CAPN8: variants seen among roughly 807,000 people sequenced by gnomAD.
CAPN8 encodes calpain 8.
Under a neutral mutation model 80.9 loss-of-function variants are expected in CAPN8, and 87 were observed. The observed-to-expected ratio is 1.07, with a 90% CI of 0.90 to 1.28. The LOEUF (loss-of-function observed/expected upper bound fraction) is 1.28. CAPN8 is among the 50% of genes most tolerant of loss of function. CAPN8 has a pLI of 0.00. For missense variants in CAPN8, 757 were observed against 702.0 expected, an observed-to-expected ratio of 1.08 and a Z score of -0.89; for synonymous variants, 299 against 273.8, an observed-to-expected ratio of 1.09 and a Z score of -0.91.
At chr1:223,619,826 A>G (rs1657329404) in intron 8 of CAPN8, among the ~76,000 whole-genome samples, 1 of 152,230 alleles carries the variant, frequency 6.6e-6, no homozygotes, top group South Asian at 2.1e-4. Context: ...AAGCCGTACC[A>G]TATTCAAGGA....
At chr1:223,658,606 C>A (rs1188679591) in intron 1 of CAPN8, among the ~76,000 whole-genome samples, 5 of 152,010 alleles carry the variant, frequency 3.3e-5, no homozygotes, top group Non-Finnish European at 2.9e-5. Flanking sequence ...AGTTTGAGAC[C>A]AGCCCAGCCA....
At chr1:223,554,691 C>T (rs1483349352) in intron 13 of CAPN8, among the ~76,000 whole-genome samples, 1 of 152,164 alleles carries the variant, frequency 6.6e-6, no homozygotes, top group Admixed American at 6.5e-5. Flanking sequence ...AACTAGAAGC[C>T]AGGAGACTGG....
chr1:223,610,602 G>A (rs1011097250), intron 11 of CAPN8, among the ~76,000 whole-genome samples: 7 of 152,184 alleles, frequency 4.6e-5, no homozygotes, highest in African/African-American at 1.4e-4. Context: ...CTTGGGTTGG[G>A]AAGGGGGCAA....
chr1:223,648,519 C>T (rs1337842341), intron 2 of CAPN8, among the ~76,000 whole-genome samples: 1 of 152,206 alleles, frequency 6.6e-6, no homozygotes, highest in Non-Finnish European at 1.5e-5. Flanking sequence ...TGACACTACT[C>T]CCAGTTACTG....
chr1:223,558,896 T>C (rs1490299095), intron 12 of CAPN8, among the ~76,000 whole-genome samples: 11 of 145,574 alleles, frequency 7.6e-5, no homozygotes, highest in African/African-American at 2.8e-4. Flanking sequence ...GTGTGTGCAG[T>C]ATGTGATGTG....
chr1:223,617,172 T>C (rs909331619), intron 9 of CAPN8: 3 of 151,538 alleles, frequency 2.0e-5, no homozygotes, highest in Admixed American at 6.6e-5. Flanking sequence ...ACTTGGAAAA[T>C]AACAAGGCAT....
intron 1 of CAPN8, among the ~76,000 whole-genome samples, chr1:223,661,718 T>A (rs1305142149): frequency 6.6e-6 from 1 of 152,140 alleles, no homozygotes; most frequent in African/African-American, 2.4e-5. Flanking sequence ...CTGGTGGGAA[T>A]GCAAAATGGT....
intron 16 of CAPN8, among the ~76,000 whole-genome samples, chr1:223,547,879 A>G (rs1304753722): frequency 6.6e-6 from 1 of 152,250 alleles, no homozygotes; most frequent in African/African-American, 2.4e-5. Context: ...AACTATTTGC[A>G]GTAAAGTGAA....
Position 223,544,120 on chromosome 1 carries a change from C to T in CAPN8, c.1976G>A (p.Gly659Asp), listed in dbSNP as rs768725032. Reference sequence around the variant, plus strand: ...AGCCACGAAGCTGTCAAAGTTGATGCCAAGCTTGCTGCACGCATACCGCAG... The same window carrying T: ...AGCCACGAAGCTGTCAAAGTTGATGTCAAGCTTGCTGCACGCATACCGCAG... ...IALRYACSKL[G>D]INFDSFVACM... Residue 659 changes from glycine (G) to aspartate (D), a missense_variant, in exon 19 of 21, where the codon GGC (glycine) becomes GAC (aspartate). Physicochemically the swap from Gly to Asp is moderately conservative, Grantham distance 94. Coordinates refer to ENST00000366872, the MANE Select transcript of CAPN8 (RefSeq NM_001143962.2). 45 of 718,396 alleles carry T rather than the reference C, an allele frequency of 6.3e-5. No homozygotes were observed. The Admixed American group carries it at 7.2e-4, about 11-fold the overall frequency. The allele number at this position is 718,396 out of a possible 1,614,324, so 44.5% of individuals were successfully genotyped here.
At chr1:223,627,292 G>T in intron 4 of CAPN8, 135 bp from the exon 5 acceptor site, 1 of 985,218 alleles carries the variant, frequency 1.0e-6, no homozygotes, top group Non-Finnish European at 1.5e-6. Flanking sequence ...TTGCCTATGG[G>T]CCAGGAAGGT....
At chr1:223,654,289 G>T in intron 2 of CAPN8, 41 bp downstream of exon 2, 1 of 1,517,444 alleles carries the variant, frequency 6.6e-7, no homozygotes. Flanking sequence ...ATACACACCC[G>T]CCCTCTCCCA....
intron 14 of CAPN8, among the ~76,000 whole-genome samples, chr1:223,553,189 A>G (rs1051737631): frequency 7.2e-5 from 11 of 152,060 alleles, no homozygotes; most frequent in African/African-American, 2.7e-4. Flanking sequence ...CGGTTTTGAC[A>G]TTTCAAGTCC....
chr1:223,614,184 A>G (rs1657106955), intron 10 of CAPN8, among the ~76,000 whole-genome samples: 1 of 152,186 alleles, frequency 6.6e-6, no homozygotes, highest in African/African-American at 2.4e-5. Flanking sequence ...GGATCACCTG[A>G]GGTCAGGAAT....
At chr1:223,541,976 T>C in intron 20 of CAPN8, 117 bp from the exon 21 acceptor site, 4 of 1,488,474 alleles carry the variant, frequency 2.7e-6, no homozygotes, top group Non-Finnish European at 3.7e-6. Flanking sequence ...CTCCAGTAAG[T>C]GCCTTGCTCA....
chr1:223,652,801 A>T (rs535410337), intron 2 of CAPN8, among the ~76,000 whole-genome samples: 204 of 152,190 alleles, frequency 1.3e-3, no homozygotes, highest in African/African-American at 4.9e-3. Flanking sequence ...GGCAGCCACC[A>T]CAGAGGCTGC....
intron 9 of CAPN8, chr1:223,616,859 A>C (rs551879241): frequency 6.6e-6 from 1 of 152,374 alleles, no homozygotes; most frequent in Non-Finnish European, 1.5e-5. Context: ...TTGGCAATTA[A>C]GAAGCAGTCC....
chr1:223,609,070 G>T, intron 12 of CAPN8, 83 bp downstream of exon 12: 1 of 397,422 alleles, frequency 2.5e-6, no homozygotes, highest in South Asian at 1.4e-4. Flanking sequence ...GGGAGCTGGG[G>T]TGGGTCCTGC....
chr1:223,628,067 G>T lies in CAPN8; in HGVS notation c.502C>A (p.Leu168Ile), dbSNP rs777926784. ...AATTCATTGCCTTGTTCCGAGTGTA[G>T]GAAGAGCAGCTGTCCATTCTTGGTG... is the stretch of plus-strand genomic sequence containing the variant. ...LPTKNGQLLF[L>I]HSEQGNEFWS... is the part of the protein sequence containing the mutation. The change falls in exon 4 of 21, where the codon CTA (leucine) becomes ATA (isoleucine). Residue 168 changes from leucine (L) to isoleucine (I), a missense_variant. By Grantham distance (5) the Leu-to-Ile change is conservative. Transcript: ENST00000366872. 6.4e-7 allele frequency: 1 copy of T among 1,551,358 alleles called. No individual in the cohort carries two copies. Among genetic ancestry groups the T allele is most frequent in the Non-Finnish European group, 8.7e-7 (1 of 1,146,904 alleles).
In CAPN8 at chr1:223,654,312, C is replaced by T. The variant is rs1658420342; in HGVS notation, c.307+18G>A. 1.9e-6 allele frequency: 3 copies of T among 1,550,896 alleles called. No individual in the cohort carries two copies. Among genetic ancestry groups the T allele is most frequent in the Non-Finnish European group, 1.7e-6 (2 of 1,146,452 alleles). On this transcript the variant is annotated intron_variant, in intron 2 of 20. Coordinates refer to ENST00000366872, the MANE Select transcript of CAPN8 (RefSeq NM_001143962.2). ...CCGCCCTCTCCCAAAACAAATAAGACTCTCCCCAGTTACTCACCTAGACCA... is the reference window on the plus strand; with the variant it reads ...CCGCCCTCTCCCAAAACAAATAAGATTCTCCCCAGTTACTCACCTAGACCA...
Sources: allele counts gnomAD v4.1 joint callset (sites outside exome capture counted in the v4.1 genomes callset), GRCh38; gene constraint gnomAD v4.1.1; transcripts MANE v1.5; gene names NCBI Gene and HGNC (gene_info 2026-07-23, HGNC 2026-07-21).